The following C2orf78 variants were observed in gnomAD, a reference collection of about 807,000 sequenced individuals.
The protein encoded by C2orf78 is uncharacterized protein C2orf78.
Under a neutral mutation model 21.4 loss-of-function variants are expected in C2orf78, and 12 were observed. The ratio of observed to expected loss-of-function variants is 0.56; its 90% CI spans 0.36 to 0.91. C2orf78 has a LOEUF of 0.91. Ranked by LOEUF, C2orf78 falls within the 40% of genes least tolerant of loss-of-function variation. The pLI, the probability that C2orf78 is intolerant of heterozygous loss-of-function variation, is 0.01. For synonymous variants in C2orf78, 396 were observed against 413.9 expected (o/e 0.96, Z 0.52); for missense variants, 1,042 against 1,092.4 (o/e 0.95, Z 0.65).
exon 3 of C2orf78, chr2:73,815,237 A>C: frequency 6.2e-7 from 1 of 1,613,994 alleles, no homozygotes; most frequent in Non-Finnish European, 8.5e-7. Context: ...CAATAACTCC[A>C]GTCCAGAGTC....
exon 3 of C2orf78, chr2:73,817,060 A>T: frequency 2.2e-6 from 3 of 1,393,410 alleles, no homozygotes; most frequent in Non-Finnish European, 2.8e-6. Flanking sequence ...ATACTAATTT[A>T]TTTATTCTGA....
exon 2 of C2orf78, chr2:73,814,172 T>A: frequency 1.2e-6 from 2 of 1,606,702 alleles, no homozygotes; most frequent in Non-Finnish European, 1.7e-6. Context: ...AGTCTCTACT[T>A]CTGGGATGTA....
intron 1 of C2orf78, among the ~76,000 whole-genome samples, chr2:73,810,514 C>T (rs369986320): frequency 5.0e-5 from 7 of 139,214 alleles, no homozygotes; most frequent in Admixed American, 1.5e-4. Flanking sequence ...GCAACAAGAG[C>T]GAAACTCTGT....
chr2:73,817,089 TAAA>T, exon 3 of C2orf78: 1 of 1,293,624 alleles, frequency 7.7e-7, no homozygotes, highest in Admixed American at 3.0e-5. Flanking sequence ...TAAAACATAA[TAAA>T]GAAATGTAAT....
chr2:73,816,143 C>CG lies in C2orf78; in HGVS notation c.1923dup (p.Lys642GlufsTer39), dbSNP rs1042077865. 1 of 1,613,806 alleles carries CG rather than the reference C, an allele frequency of 6.2e-7. No individual in the cohort carries two copies. The highest frequency in any genetic ancestry group is 1.3e-5 in the African/African-American group (1 of 74,990). On this transcript the variant is annotated frameshift_variant, in exon 3 of 3. Coordinates refer to ENST00000409561, the Ensembl canonical transcript of C2orf78. LOFTEE classifies it low-confidence loss of function (END_TRUNC). ...AGTCCGTGCAAGTTTTCCATGCACT[C>CG]GGGAAAAAGATCGATATGAAAACTG... is the stretch of plus-strand genomic sequence containing the variant.
At chr2:73,784,583 A>C (rs1447336145) in intron 1 of C2orf78, among the ~76,000 whole-genome samples, 177 bp downstream of exon 1, 1 of 151,404 alleles carries the variant, frequency 6.6e-6, no homozygotes, top group Non-Finnish European at 1.5e-5. Context: ...GACTTTAGAT[A>C]ACTTTTATTC....
In C2orf78 at chr2:73,815,801, A is replaced by G. The variant is rs376169576; in HGVS notation, c.1578A>G (p.Leu526=). 27 of 1,613,872 alleles carry G rather than the reference A, an allele frequency of 1.7e-5. No homozygotes were observed. In the African/African-American group the frequency reaches 2.5e-4, roughly 15 times the overall value. The change falls in exon 3 of 3, where the codon CTA becomes CTG. Residue 526 remains leucine, a synonymous_variant. Transcript: ENST00000409561. ...TCCAGCCAAAGAACCCAGAGTGCCT[A>G]TTAGAGAGAGAAGTGGTTGTTGGCA...
intron 1 of C2orf78, among the ~76,000 whole-genome samples, chr2:73,807,903 C>T (rs192395974): frequency 6.7e-6 from 1 of 150,278 alleles, no homozygotes; most frequent in Non-Finnish European, 1.5e-5. Flanking sequence ...GGGCAATCAA[C>T]AAACTTTGCT....
intron 2 of C2orf78, among the ~76,000 whole-genome samples, chr2:73,814,568 A>ATGTGAGGCTGTATAAAACAT (rs1673154725): frequency 6.6e-6 from 1 of 152,098 alleles, no homozygotes; most frequent in Admixed American, 6.5e-5. Context: ...GCACTTCAGA[A>ATGTGAGGCTGTATAAAACAT]CTCTTATTTT....
intron 1 of C2orf78, among the ~76,000 whole-genome samples, chr2:73,812,118 ATT>A (rs1220325670): frequency 2.0e-5 from 3 of 152,008 alleles, no homozygotes; most frequent in African/African-American, 7.2e-5. Flanking sequence ...TGCTGATACA[ATT>A]TCTCTGTCTA....
chr2:73,810,536 A>AT (rs1673058348), intron 1 of C2orf78, among the ~76,000 whole-genome samples: 1 of 135,500 alleles, frequency 7.4e-6, no homozygotes, highest in Non-Finnish European at 1.5e-5. Flanking sequence ...TCAAAAAGAA[A>AT]ATATATATAT....
chr2:73,815,846 C>T (rs373917345), exon 3 of C2orf78: 108 of 1,613,570 alleles, frequency 6.7e-5, no homozygotes, highest in South Asian at 3.3e-5. Flanking sequence ...TCAGTAACAG[C>T]GCTTCTGTGA....
At chr2:73,817,123 T>A (rs879310853) in exon 3 of C2orf78, 123 of 1,093,218 alleles carry the variant, frequency 1.1e-4, no homozygotes, top group Non-Finnish European at 1.4e-4. Flanking sequence ...AATAGATAAG[T>A]AATAAAGAGG....
intron 1 of C2orf78, among the ~76,000 whole-genome samples, chr2:73,810,326 A>C (rs1048835827): frequency 1.8e-4 from 28 of 151,834 alleles, no homozygotes; most frequent in African/African-American, 6.5e-4. Flanking sequence ...AGGTCAGTTC[A>C]AGACCAGCCT....
rs944551691 is a variant in C2orf78, at chr2:73,784,458, A to C, written c.97+52A>C. 5.0e-6 allele frequency: 3 copies of C among 602,172 alleles called. No individual in the cohort carries two copies. The African/African-American group carries it at 5.7e-5, about 12-fold the overall frequency. 37.3% of individuals were successfully genotyped at this position (602,172 alleles called of 1,614,324 possible). ...TTTTCATGAGATTTCTTTGCCACTA[A>C]ATTTAGATTTCTTTCCCCCTATATT... On this transcript the variant is annotated intron_variant, in intron 1 of 2. Coordinates refer to ENST00000409561, the Ensembl canonical transcript of C2orf78.
rs752686916 is a variant in C2orf78 at position 73,815,178 on chromosome 2, A to C, written c.955A>C (p.Asn319His). ...ATTCTCCAAGTCCTTCAGTAGCAGAAATACCCAGACACTTGAGAGTAACCC... is the reference window on the plus strand; with the variant it reads ...ATTCTCCAAGTCCTTCAGTAGCAGACATACCCAGACACTTGAGAGTAACCC... Residue 319 changes from asparagine to histidine, a missense_variant, in exon 3 of 3, where the codon AAT becomes CAT. Physicochemically the swap from Asn to His is moderately conservative, Grantham distance 68. Coordinates refer to ENST00000409561, the Ensembl canonical transcript of C2orf78. The C allele has an allele frequency of 1.1e-5, 17 of 1,613,896 alleles. 1 individual carries two copies. Among genetic ancestry groups the C allele is most frequent in the Non-Finnish European group, 1.4e-5 (17 of 1,179,892 alleles).
chr2:73,785,953 G>C (rs1414946592), intron 1 of C2orf78, among the ~76,000 whole-genome samples: 1 of 151,812 alleles, frequency 6.6e-6, no homozygotes, highest in African/African-American at 2.4e-5. Context: ...GGCTGAGGCA[G>C]GACAATCACT....
At chr2:73,807,664 A>G (rs532652043) in intron 1 of C2orf78, among the ~76,000 whole-genome samples, 40 of 89,006 alleles carry the variant, frequency 4.5e-4, no homozygotes, top group Middle Eastern at 4.3e-3. Context: ...TCCAAACATC[A>G]GGACACTGAA....
chr2:73,784,534 C>A (rs568160500), intron 1 of C2orf78, 128 bp downstream of exon 1: 1 of 633,732 alleles, frequency 1.6e-6, no homozygotes, highest in African/African-American at 1.9e-5. Context: ...AATCCAGAGA[C>A]CTCATTTCAG....
Sources: gnomAD v4.1 joint callset for allele counts (sites outside exome capture counted in the v4.1 genomes callset) on GRCh38, gnomAD v4.1.1 for gene constraint, MANE v1.5 for transcripts, NCBI Gene and HGNC (gene_info 2026-07-23, HGNC 2026-07-21) for gene names.